The following YWHAE variants were observed in gnomAD, a reference collection of about 807,000 sequenced individuals.
The protein encoded by YWHAE is 14-3-3 protein epsilon.
A neutral mutation model predicts 30.1 loss-of-function variants in YWHAE; 4 were observed. The observed-to-expected ratio is 0.13, with a 90% CI of 0.07 to 0.30. YWHAE has a LOEUF of 0.30. Ranked by LOEUF, YWHAE falls within the 10% of genes least tolerant of loss-of-function variation. YWHAE has a pLI of 1.00. For missense variants in YWHAE, 121 were observed against 315.9 expected, an observed-to-expected ratio of 0.38 and a Z score of 4.68; for synonymous variants, 118 against 111.8, an observed-to-expected ratio of 1.06 and a Z score of -0.35.
At chr17:1,354,118 C>T (rs932193136) in intron 5 of YWHAE, 93 bp downstream of exon 5, 63 of 1,473,772 alleles carry the variant, frequency 4.3e-5, no homozygotes, top group Non-Finnish European at 5.6e-5. Context: ...TAAATTCTAG[C>T]TTGATATAAC....
intron 1 of YWHAE, among the ~76,000 whole-genome samples, chr17:1,397,519 T>C (rs1405166000): frequency 6.6e-6 from 1 of 152,124 alleles, no homozygotes; most frequent in African/African-American, 2.4e-5. Flanking sequence ...GTTTAGGCAC[T>C]AATTCAACAC....
At position 1,362,786 on chromosome 17, in the gene YWHAE, A is replaced by G. The variant is rs1325730780; in HGVS notation, c.265-778T>C. ...AATTCTCTCTTTTTCTTCTATAATC[A>G]CATCCTTATCCCAAGCAAAACTACT... is the stretch of plus-strand genomic sequence containing the variant. On this transcript the variant is annotated intron_variant, in intron 2 of 5. Coordinates refer to ENST00000264335, the MANE Select transcript of YWHAE (RefSeq NM_006761.5). Among the ~76,000 whole-genome samples the G allele has an allele frequency of 2.0e-5, 3 of 152,008 alleles. No homozygotes were observed. The South Asian group carries it at 6.2e-4, about 31-fold the overall frequency.
chr17:1,347,331 C>CAA (rs556974192), intron 5 of YWHAE, among the ~76,000 whole-genome samples: 16 of 113,478 alleles, frequency 1.4e-4, no homozygotes, highest in Admixed American at 2.9e-4. Context: ...GACTCCGTCT[C>CAA]AAAAAAAAAA....
intron 1 of YWHAE, 165 bp downstream of exon 1, chr17:1,399,882 G>A: frequency 5.1e-6 from 4 of 791,138 alleles, no homozygotes; most frequent in East Asian, 2.6e-5. Context: ...AGGGCATAGA[G>A]CCTCCCATCG....
intron 1 of YWHAE, among the ~76,000 whole-genome samples, chr17:1,386,251 AC>A (rs1302071952): frequency 6.6e-6 from 1 of 152,224 alleles, no homozygotes; most frequent in African/African-American, 2.4e-5. Context: ...CAGTGAAGAA[AC>A]ACTGAGCTTT....
At chr17:1,393,275 C>T (rs8073951) in intron 1 of YWHAE, among the ~76,000 whole-genome samples, 72,325 of 150,434 alleles carry the variant, frequency 0.48, 18,758 homozygotes, top group African/African-American at 0.67. Flanking sequence ...GAGCCAAGAT[C>T]GCACCACTGC....
chr17:1,372,393 C>T (rs2073056754), intron 1 of YWHAE, among the ~76,000 whole-genome samples: 1 of 152,254 alleles, frequency 6.6e-6, no homozygotes, highest in Admixed American at 6.5e-5. Flanking sequence ...GCTGTGTTCA[C>T]TGGACTAGCA....
intron 1 of YWHAE, among the ~76,000 whole-genome samples, chr17:1,396,483 C>G (rs1184063745): frequency 6.6e-6 from 1 of 152,090 alleles, no homozygotes; most frequent in African/African-American, 2.4e-5. Flanking sequence ...CTAGGGAATC[C>G]AACATGACCA....
chr17:1,388,083 C>T (rs2073328006), intron 1 of YWHAE, among the ~76,000 whole-genome samples: 1 of 145,384 alleles, frequency 6.9e-6, no homozygotes, highest in African/African-American at 2.6e-5. Flanking sequence ...GTGCCACCAC[C>T]ACGCCTGGGT....
intron 1 of YWHAE, chr17:1,399,468 C>G (rs2073530318): frequency 1.3e-5 from 2 of 153,048 alleles, no homozygotes; most frequent in Admixed American, 1.3e-4. Context: ...GACTGTCCCC[C>G]ACCTCAGGCC....
intron 1 of YWHAE, among the ~76,000 whole-genome samples, chr17:1,389,694 C>T (rs2073360295): frequency 6.6e-6 from 1 of 151,408 alleles, no homozygotes; most frequent in African/African-American, 2.4e-5. Flanking sequence ...CCACGCCCAG[C>T]TAATTTTTTG....
chr17:1,369,323 G>A (rs1289358506), intron 1 of YWHAE, among the ~76,000 whole-genome samples: 2 of 151,952 alleles, frequency 1.3e-5, no homozygotes, highest in East Asian at 1.9e-4. Flanking sequence ...GTAAAACCCC[G>A]TCTCTACTAA....
At chr17:1,392,835 A>G (rs371019851) in intron 1 of YWHAE, among the ~76,000 whole-genome samples, 7 of 150,120 alleles carry the variant, frequency 4.7e-5, no homozygotes, top group African/African-American at 1.7e-4. Context: ...GAATGACAAG[A>G]GGGAAAATCC....
At chr17:1,395,193 G>A (rs1315789932) in intron 1 of YWHAE, among the ~76,000 whole-genome samples, 1 of 151,868 alleles carries the variant, frequency 6.6e-6, no homozygotes, top group Non-Finnish European at 1.5e-5. Flanking sequence ...AGGAGTTCAA[G>A]ACCAGCCTGG....
In YWHAE at chr17:1,397,932, G is replaced by A. The variant is rs2073498972; in HGVS notation, c.64+2115C>T. 2.0e-5 allele frequency among the ~76,000 whole-genome samples: 3 copies of A among 152,248 alleles called. No homozygotes were observed. In the South Asian group the frequency reaches 6.2e-4, roughly 32 times the overall value. On this transcript the variant is annotated intron_variant, in intron 1 of 5. Transcript: ENST00000264335. ...CATTAACAACTGTAATAATGTGGCT[G>A]TATCAGAGTCCCATGTTCAATAACC...
intron 1 of YWHAE, among the ~76,000 whole-genome samples, chr17:1,381,910 CAAAAAAA>C (rs397754278): frequency 1.1e-3 from 47 of 43,932 alleles, no homozygotes; most frequent in South Asian, 0.01. Context: ...GACACTATGT[CAAAAAAA>C]AAAAAAAAAA....
intron 1 of YWHAE, 149 bp downstream of exon 1, chr17:1,399,898 G>T: frequency 1.1e-6 from 1 of 905,692 alleles, no homozygotes; most frequent in South Asian, 1.4e-5. Flanking sequence ...CATCGCCCCG[G>T]GAGCTCCCAG....
At chr17:1,396,326 AGG>A (rs1389207187) in intron 1 of YWHAE, among the ~76,000 whole-genome samples, 1 of 152,092 alleles carries the variant, frequency 6.6e-6, no homozygotes, top group African/African-American at 2.4e-5. Flanking sequence ...CGGGAGGGTG[AGG>A]CAGGAGAATC....
intron 1 of YWHAE, among the ~76,000 whole-genome samples, chr17:1,388,292 G>A (rs1319333855): frequency 6.6e-6 from 1 of 150,600 alleles, no homozygotes; most frequent in Non-Finnish European, 1.5e-5. Context: ...TGAGTTGGGC[G>A]GATCGTGAGA....
Sources: allele counts gnomAD v4.1 joint callset (sites outside exome capture counted in the v4.1 genomes callset), GRCh38; gene constraint gnomAD v4.1.1; transcripts MANE v1.5; gene names NCBI Gene and HGNC (gene_info 2026-07-23, HGNC 2026-07-21).